Variants in PRKN observed in about 807,000 individuals in gnomAD.
PRKN encodes the protein parkin RBR E3 ubiquitin protein ligase.
Under a neutral mutation model 59.5 loss-of-function variants are expected in PRKN, and 56 were observed. That is an observed-to-expected ratio of 0.94 (90% confidence interval 0.76 to 1.18). The LOEUF (loss-of-function observed/expected upper bound fraction) is 1.18. Among genes scored for constraint, PRKN ranks in the 50% most tolerant of loss-of-function variants. The pLI is 0.00. For synonymous variants in PRKN, 250 were observed against 222.1 expected, an observed-to-expected ratio of 1.13 and a Z score of -1.12; for missense variants, 657 against 596.4, an observed-to-expected ratio of 1.10 and a Z score of -1.06.
At chr6:161,650,014 T>G (rs954815433) in intron 7 of PRKN, among the ~76,000 whole-genome samples, 4 of 152,062 alleles carry the variant, frequency 2.6e-5, no homozygotes, top group African/African-American at 9.7e-5. Flanking sequence ...CAGCCCAGAG[T>G]CTCAGCTGAG....
chr6:161,733,537 C>T (rs1487874269), intron 7 of PRKN, among the ~76,000 whole-genome samples: 1 of 151,964 alleles, frequency 6.6e-6, no homozygotes, highest in Non-Finnish European at 1.5e-5. Context: ...GGAGATAAAA[C>T]TCCCTTAGCT....
chr6:161,816,376 G>A (rs1262551009), intron 6 of PRKN, among the ~76,000 whole-genome samples: 1 of 151,992 alleles, frequency 6.6e-6, no homozygotes, highest in East Asian at 1.9e-4. Flanking sequence ...GGGGTGGGAG[G>A]GAGAGAATCC....
Position 161,390,504 on chromosome 6 carries a change from A to ATTTT in PRKN, c.1084-3628_1084-3627insAAAA, listed in dbSNP as rs1159234113. Among the ~76,000 whole-genome samples, 6 of 152,196 alleles carry ATTTT rather than the reference A, an allele frequency of 3.9e-5. No homozygotes were observed. The highest frequency in any genetic ancestry group is 4.4e-5 in the Non-Finnish European group (3 of 68,024). On this transcript the variant is annotated intron_variant, in intron 9 of 11. Coordinates refer to ENST00000366898, the MANE Select transcript of PRKN (RefSeq NM_004562.3). The surrounding 1 kb of genome is among the most constrained non-coding windows in gnomAD (Gnocchi z 7.0). ...ATGTGATTTATTTATTTATTTATTT[A>ATTTT]TTGAGACAGAGTCTTGCTCTGTTGC...
At chr6:161,520,802 T>C (rs1346825656) in intron 9 of PRKN, among the ~76,000 whole-genome samples, 5 of 152,192 alleles carry the variant, frequency 3.3e-5, no homozygotes, top group African/African-American at 1.2e-4. Flanking sequence ...AGAAAGCTGT[T>C]CTTCCAAATC....
chr6:162,327,185 T>C lies in PRKN; in HGVS notation c.172-64420A>G, dbSNP rs1025337966. On this transcript the variant is annotated intron_variant, in intron 2 of 11. Transcript: ENST00000366898. ...CTCTGAACATGGAAAATGAGTGCCA[T>C]TTCTATGCTGAATATTGATCAGGAG... Among the ~76,000 whole-genome samples the C allele has an allele frequency of 2.0e-5, 3 of 152,186 alleles. No homozygotes were observed. In the South Asian group the frequency reaches 6.2e-4, roughly 32 times the overall value.
chr6:162,645,350 G>A (rs1325576472), intron 1 of PRKN, among the ~76,000 whole-genome samples: 2 of 152,234 alleles, frequency 1.3e-5, no homozygotes, highest in Admixed American at 1.3e-4. Context: ...AATCTTCAAG[G>A]ACACCAGCTG....
chr6:162,562,188 C>CT (rs1779873669), intron 1 of PRKN, among the ~76,000 whole-genome samples: 1 of 152,212 alleles, frequency 6.6e-6, no homozygotes, highest in Admixed American at 6.5e-5. Flanking sequence ...TCTAGACACA[C>CT]TCTGGCCCAC....
chr6:161,878,712 A>C (rs1410409516), intron 6 of PRKN, among the ~76,000 whole-genome samples: 2 of 152,206 alleles, frequency 1.3e-5, no homozygotes, highest in African/African-American at 2.4e-5. Flanking sequence ...CCCCAAAGCC[A>C]GCCTTGTAGA....
chr6:161,682,223 C>T (rs1267680822), intron 7 of PRKN, among the ~76,000 whole-genome samples: 1 of 152,158 alleles, frequency 6.6e-6, no homozygotes, highest in Admixed American at 6.5e-5. Flanking sequence ...CACTTGGGAA[C>T]ACACAGGTGT....
intron 4 of PRKN, among the ~76,000 whole-genome samples, chr6:162,182,196 T>G (rs1434810779): frequency 1.3e-5 from 2 of 152,158 alleles, no homozygotes; most frequent in Non-Finnish European, 1.5e-5. Flanking sequence ...AGTCCCTTCT[T>G]GATGGTTCCA....
Position 162,078,423 on chromosome 6 carries a change from C to A in PRKN, c.535-24249G>T, listed in dbSNP as rs144668370. Among the ~76,000 whole-genome samples the A allele has an allele frequency of 4.0e-3, 603 of 152,078 alleles. 3 individuals are homozygous for A. The highest frequency in any genetic ancestry group is 6.7e-3 in the Non-Finnish European group (453 of 67,974). ...GTGATATTATTCAGGAATCAAAAAA[C>A]AAAGGGAAACACAGAGCTTGCTTGT... is the stretch of plus-strand genomic sequence containing the variant. On this transcript the variant is annotated intron_variant, in intron 4 of 11. Coordinates refer to ENST00000366898, the MANE Select transcript of PRKN (RefSeq NM_004562.3).
chr6:162,568,908 A>G, intron 1 of PRKN: 1 of 681,912 alleles, frequency 1.5e-6, no homozygotes, highest in Admixed American at 1.8e-5. Flanking sequence ...CAGGAAGGAC[A>G]TGGATGATGC....
chr6:162,282,877 T>A (rs1038846924), intron 2 of PRKN, among the ~76,000 whole-genome samples: 2 of 152,170 alleles, frequency 1.3e-5, no homozygotes, highest in Non-Finnish European at 2.9e-5. Flanking sequence ...TTCTGAAATT[T>A]TAAAAAGTCT....
rs869176963 is a variant in PRKN at position 162,074,628 on chromosome 6, TATA to T, written c.535-20457_535-20455del. On this transcript the variant is annotated intron_variant, in intron 4 of 11. Transcript: ENST00000366898. ...CATGTACCCTAAAACTTAAAGTATA[TATA>T]TAAAAAAAAGTCACATTTCTTAAGA... Among the ~76,000 whole-genome samples the T allele has an allele frequency of 5.2e-5, 7 of 134,304 alleles. No homozygotes were observed. The South Asian group carries it at 1.2e-3, about 22-fold the overall frequency. 88.1% of individuals were successfully genotyped at this position (134,304 alleles called of 152,430 possible).
chr6:162,416,872 TAATC>T (rs1370606833), intron 2 of PRKN, among the ~76,000 whole-genome samples: 2 of 152,140 alleles, frequency 1.3e-5, no homozygotes, highest in Non-Finnish European at 2.9e-5. Flanking sequence ...ATCAACTTAA[TAATC>T]AATTAAAGAA....
rs557669044 is a variant in PRKN at position 161,640,643 on chromosome 6, T to C, written c.872-71227A>G. 1.6e-3 allele frequency among the ~76,000 whole-genome samples: 236 copies of C among 152,228 alleles called. 1 individual carries two copies. Among genetic ancestry groups the C allele is most frequent in the African/African-American group, 5.5e-3 (229 of 41,534 alleles). On this transcript the variant is annotated intron_variant, in intron 7 of 11. Transcript: ENST00000366898. ...TCCTATTTTTTGACCAGGCTTGAGT[T>C]GACAGACTCAGCCACGGCCTTTACC...
At chr6:162,574,764 G>GTT (rs371613068) in intron 1 of PRKN, among the ~76,000 whole-genome samples, 67 of 86,328 alleles carry the variant, frequency 7.8e-4, no homozygotes, top group African/African-American at 3.2e-3. Flanking sequence ...ATGATACTAA[G>GTT]TTGTTTTTTT....
At chr6:162,582,015 A>G (rs1246226632) in intron 1 of PRKN, among the ~76,000 whole-genome samples, 1 of 152,230 alleles carries the variant, frequency 6.6e-6, no homozygotes, top group African/African-American at 2.4e-5. Context: ...ACAGACTTAG[A>G]TAAAAATTTG....
intron 8 of PRKN, among the ~76,000 whole-genome samples, chr6:161,567,399 T>C (rs1012581660): frequency 6.6e-6 from 1 of 152,134 alleles, no homozygotes; most frequent in Admixed American, 6.5e-5. Flanking sequence ...CCATCTAACA[T>C]AATATACACT....
Sources: gnomAD v4.1 joint callset for allele counts (sites outside exome capture counted in the v4.1 genomes callset) on GRCh38, gnomAD v4.1.1 for gene constraint, Gnocchi (gnomAD v3.1) non-coding constraint, MANE v1.5 for transcripts, NCBI Gene and HGNC (gene_info 2026-07-23, HGNC 2026-07-21) for gene names.